PIK3C2G: variants seen among roughly 807,000 people sequenced by gnomAD.
PIK3C2G encodes phosphatidylinositol-4-phosphate 3-kinase catalytic subunit type 2 gamma.
PIK3C2G carries 168 observed loss-of-function variants against 181.1 expected under a neutral mutation model. The observed-to-expected ratio is 0.93, with a 90% CI of 0.82 to 1.05. The LOEUF is 1.05. PIK3C2G is among the 50% of genes least tolerant of loss of function. The pLI is 0.00. For synonymous variants in PIK3C2G, 573 were observed against 592.2 expected (o/e 0.97, Z 0.47); for missense variants, 1,869 against 1,732.8 (o/e 1.08, Z -1.40).
rs924376523 is a variant in PIK3C2G, at chr12:18,491,447, A to T, written c.2686-4A>T. 3.5e-6 allele frequency: 5 copies of T among 1,436,416 alleles called. No individual in the cohort carries two copies. The highest frequency in any genetic ancestry group is 4.8e-6 in the Non-Finnish European group (5 of 1,032,360). 89.0% of individuals were successfully genotyped at this position (1,436,416 alleles called of 1,614,324 possible). A position where few individuals can be genotyped will look rare whatever the true frequency, so the allele number is the denominator to read the frequency against. ...TAAATCCTTTTTCTAATGATTTTTC[A>T]CAGGAGGTACTGAAGAAAGAAATTG... On this transcript the variant is annotated splice_polypyrimidine_tract_variant and splice_region_variant and intron_variant, in intron 19 of 32. Transcript: ENST00000538779.
At position 18,534,678 on chromosome 12, in the gene PIK3C2G, G is replaced by A. The variant is rs554488756; in HGVS notation, c.3324-3478G>A. On this transcript the variant is annotated intron_variant, in intron 24 of 32. Coordinates refer to ENST00000538779, the MANE Select transcript of PIK3C2G (RefSeq NM_001288772.2). ...CTTCCTCTGCTCTTGAAAATCATAC[G>A]GGTCATTTGGATTAAAAAAAAAGAA... 4.2e-3 allele frequency among the ~76,000 whole-genome samples: 320 copies of A among 76,758 alleles called. 1 individual carries two copies. The highest frequency in any genetic ancestry group is 6.1e-3 in the Non-Finnish European group (248 of 40,884). The allele number at this position is 76,758 out of a possible 152,430, so 50.4% of individuals were successfully genotyped here.
rs1945671048 is a variant in PIK3C2G at position 18,566,959 on chromosome 12, T to G, written c.3913T>G (p.Trp1305Gly). The change falls in exon 29 of 33, where the codon TGG becomes GGG. Residue 1305 changes from tryptophan to glycine, a missense_variant. Physicochemically the swap from Trp to Gly is radical, Grantham distance 184. Coordinates refer to ENST00000538779, the MANE Select transcript of PIK3C2G (RefSeq NM_001288772.2). ...ASLTLPEFPH[W>G]WHLPFTNSDH... The stretch of plus-strand genomic sequence containing the variant: ...TTTCTCTTAAAACAGGTTTCCTCAT[T>G]GGTGGCACCTACCTTTTACAAATTC... 4 of 1,580,812 alleles carry G rather than the reference T, an allele frequency of 2.5e-6. No individual in the cohort carries two copies. Among genetic ancestry groups the G allele is most frequent in the Non-Finnish European group, 3.5e-6 (4 of 1,151,260 alleles).
intron 11 of PIK3C2G, among the ~76,000 whole-genome samples, chr12:18,356,985 C>T (rs1186063845): frequency 2.0e-5 from 3 of 152,188 alleles, no homozygotes; most frequent in East Asian, 1.9e-4. Flanking sequence ...AGGCACCCCA[C>T]CCTTTTCTGT....
At chr12:18,568,702 A>G (rs1297894208) in intron 29 of PIK3C2G, among the ~76,000 whole-genome samples, 1 of 152,130 alleles carries the variant, frequency 6.6e-6, no homozygotes. Flanking sequence ...ACTTTCACAG[A>G]AACATCCACA....
At chr12:18,703,844 T>A in the PIK3C2G span, among the ~76,000 whole-genome samples, 1 of 152,156 alleles carries the variant, frequency 6.6e-6, no homozygotes, top group Non-Finnish European at 1.5e-5. Flanking sequence ...TCCCAAGCCT[T>A]TTGATTATTT....
chr12:18,407,029 A>C (rs60255958), intron 16 of PIK3C2G, among the ~76,000 whole-genome samples: 16,897 of 152,098 alleles, frequency 0.11, 1,291 homozygotes, highest in Admixed American at 0.27. Context: ...GGACAAGTTT[A>C]TTTAACTTTA....
At chr12:18,650,876 A>G (rs1410494956), downstream of PIK3C2G, among the ~76,000 whole-genome samples, 3 of 151,080 alleles carry the variant, frequency 2.0e-5, no homozygotes, top group African/African-American at 4.9e-5. Context: ...ACTTACTGCT[A>G]TCATCCTTGG....
chr12:18,490,522 C>T (rs905426214), intron 19 of PIK3C2G, among the ~76,000 whole-genome samples: 1 of 152,144 alleles, frequency 6.6e-6, no homozygotes, highest in Non-Finnish European at 1.5e-5. Context: ...CTGCCCCCTG[C>T]TGCACTGACG....
chr12:18,395,419 T>C lies in PIK3C2G; in HGVS notation c.2126+4167T>C, dbSNP rs544637044. On this transcript the variant is annotated intron_variant, in intron 15 of 32. Coordinates refer to ENST00000538779, the MANE Select transcript of PIK3C2G (RefSeq NM_001288772.2). ...AATTAGAACTCTATACACAGTAAAA[T>C]TATGTTGCAAAAATTAAGGCCAAAT... is the stretch of plus-strand genomic sequence containing the variant. Among the ~76,000 whole-genome samples the C allele has an allele frequency of 4.0e-5, 6 of 150,068 alleles. No homozygotes were observed. In the South Asian group the frequency reaches 1.3e-3, roughly 32 times the overall value.
chr12:18,725,140 T>C, the PIK3C2G span, among the ~76,000 whole-genome samples: 3 of 151,828 alleles, frequency 2.0e-5, no homozygotes, highest in Non-Finnish European at 4.4e-5. Flanking sequence ...TACAGAAAAA[T>C]GAAAACCACA....
chr12:18,723,172 C>T, the PIK3C2G span: 1 of 696,496 alleles, frequency 1.4e-6, no homozygotes, highest in Non-Finnish European at 2.4e-6. Flanking sequence ...TATATTTTCT[C>T]AAAGATATTT....
chr12:18,305,392 G>T (rs1363488674), intron 5 of PIK3C2G, among the ~76,000 whole-genome samples: 1 of 152,082 alleles, frequency 6.6e-6, no homozygotes, highest in Non-Finnish European at 1.5e-5. Flanking sequence ...TTGGTCAAAG[G>T]AATCTCGAAG....
downstream of PIK3C2G, among the ~76,000 whole-genome samples, chr12:18,650,760 A>G (rs1461516861): frequency 8.1e-5 from 9 of 110,536 alleles, no homozygotes; most frequent in Admixed American, 3.0e-4. Flanking sequence ...ATATATATAT[A>G]TATATTCCAG....
chr12:18,651,355 G>A (rs1233460737), downstream of PIK3C2G, among the ~76,000 whole-genome samples: 2 of 151,738 alleles, frequency 1.3e-5, no homozygotes, highest in Admixed American at 6.6e-5. Flanking sequence ...CCCTGTCCCT[G>A]GAAACACACC....
intron 18 of PIK3C2G, among the ~76,000 whole-genome samples, chr12:18,451,409 T>A (rs1947353412): frequency 6.6e-6 from 1 of 152,192 alleles, no homozygotes; most frequent in South Asian, 2.1e-4. Flanking sequence ...GTGCTTGCGA[T>A]TTTTGCAAAT....
chr12:18,257,712 C>A (rs1399795571), upstream of PIK3C2G, among the ~76,000 whole-genome samples: 5 of 111,666 alleles, frequency 4.5e-5, no homozygotes, highest in Admixed American at 1.0e-4. Context: ...ACAAAGGAGA[C>A]AGGAAGGTGG....
At chr12:18,245,526 G>A (rs1948030997), upstream of PIK3C2G, among the ~76,000 whole-genome samples, 2 of 151,978 alleles carry the variant, frequency 1.3e-5, no homozygotes, top group South Asian at 4.1e-4. Flanking sequence ...CTCACAAGCA[G>A]AAATAATGTC....
chr12:18,562,907 C>A lies in PIK3C2G; in HGVS notation c.3780+15C>A, dbSNP rs777340106. The A allele has an allele frequency of 5.1e-6, 8 of 1,557,504 alleles. No homozygotes were observed. Among genetic ancestry groups the A allele is most frequent in the Non-Finnish European group, 5.3e-6 (6 of 1,141,946 alleles). ...AATCCAGTAATGTAAGTTTAAAGTC[C>A]GTCATCTTGACTTACGTATCACTTG... is the stretch of plus-strand genomic sequence containing the variant. On this transcript the variant is annotated intron_variant, in intron 27 of 32. Transcript: ENST00000538779.
At chr12:18,295,681 G>T (rs1259001779) in intron 5 of PIK3C2G, among the ~76,000 whole-genome samples, 1 of 148,926 alleles carries the variant, frequency 6.7e-6, no homozygotes, top group Non-Finnish European at 1.5e-5. Context: ...TAGGAAAGTT[G>T]CCAAATATTA....
Sources: allele counts gnomAD v4.1 joint callset (sites outside exome capture counted in the v4.1 genomes callset), GRCh38; gene constraint gnomAD v4.1.1; transcripts MANE v1.5; gene names NCBI Gene and HGNC (gene_info 2026-07-23, HGNC 2026-07-21).